MICU1: variants seen among roughly 807,000 people sequenced by gnomAD.
The protein encoded by MICU1 is calcium uptake protein 1, mitochondrial.
A neutral mutation model predicts 56.8 loss-of-function variants in MICU1; 45 were observed. That is an observed-to-expected ratio of 0.79 (90% confidence interval 0.62 to 1.02). The LOEUF (loss-of-function observed/expected upper bound fraction) is 1.02. Ranked by LOEUF, MICU1 falls within the 50% of genes least tolerant of loss-of-function variation. The pLI, the probability that MICU1 is intolerant of heterozygous loss-of-function variation, is 0.00. For missense variants in MICU1, 504 were observed against 587.1 expected (o/e 0.86, Z 1.46); for synonymous variants, 186 against 195.1 (o/e 0.95, Z 0.39).
At chr10:72,590,586 G>A (rs12783297) in intron 1 of MICU1, among the ~76,000 whole-genome samples, 70,393 of 151,798 alleles carry the variant, frequency 0.46, 20,413 homozygotes, top group Non-Finnish European at 0.67. Flanking sequence ...CGAGGTGGGC[G>A]GATCACGAGG....
intron 1 of MICU1, among the ~76,000 whole-genome samples, chr10:72,611,629 G>T (rs1841852370): frequency 6.6e-6 from 1 of 151,846 alleles, no homozygotes; most frequent in South Asian, 2.1e-4. Flanking sequence ...TAAGAATTAA[G>T]ATAAAAGTGA....
At chr10:72,603,660 C>T (rs1185331571) in intron 1 of MICU1, among the ~76,000 whole-genome samples, 1 of 151,904 alleles carries the variant, frequency 6.6e-6, no homozygotes, top group African/African-American at 2.4e-5. Flanking sequence ...CAAAATTAGC[C>T]GGGTGTGGTG....
chr10:72,569,792 T>C (rs1315813329), intron 1 of MICU1, among the ~76,000 whole-genome samples: 1 of 152,170 alleles, frequency 6.6e-6, no homozygotes, highest in Non-Finnish European at 1.5e-5. Flanking sequence ...GGGCTCAGTA[T>C]AGTACCTCAC....
chr10:72,500,231 A>G (rs1342464646), intron 6 of MICU1, among the ~76,000 whole-genome samples: 2 of 139,400 alleles, frequency 1.4e-5, no homozygotes, highest in African/African-American at 5.3e-5. Flanking sequence ...AAGTTGCTTA[A>G]TGATAAACTA....
At position 72,566,734 on chromosome 10, in the gene MICU1, G is replaced by A. The variant is rs1289336047; in HGVS notation, c.60C>T (p.Tyr20=). ...LAELAVGSRW[Y]HGGSQPIQIR... ...TCTGGATGGGCTGTGATCCTCCATGGTACCATCGAGAACCCACAGCCAGTT... is the reference window on the plus strand; with the variant it reads ...TCTGGATGGGCTGTGATCCTCCATGATACCATCGAGAACCCACAGCCAGTT... The change falls in exon 2 of 12, where the codon TAC becomes TAT. Residue 20 remains tyrosine, a synonymous_variant. Coordinates refer to ENST00000361114, the MANE Select transcript of MICU1 (RefSeq NM_001195518.2). The A allele has an allele frequency of 5.6e-6, 9 of 1,612,712 alleles. No homozygotes were observed. Among genetic ancestry groups the A allele is most frequent in the Non-Finnish European group, 6.8e-6 (8 of 1,179,362 alleles).
intron 5 of MICU1, among the ~76,000 whole-genome samples, chr10:72,533,449 G>C (rs1423122539): frequency 6.6e-6 from 1 of 152,074 alleles, no homozygotes; most frequent in Non-Finnish European, 1.5e-5. Context: ...ACAGTATTGG[G>C]GGGCTTATTA....
chr10:72,572,279 A>G (rs778589109), intron 1 of MICU1, among the ~76,000 whole-genome samples: 6 of 152,232 alleles, frequency 3.9e-5, no homozygotes, highest in Non-Finnish European at 7.3e-5. Context: ...CTAAGATCAT[A>G]TAAAGTATTC....
intron 1 of MICU1, among the ~76,000 whole-genome samples, chr10:72,612,698 G>A (rs1251417442): frequency 4.6e-5 from 7 of 152,098 alleles, no homozygotes; most frequent in African/African-American, 1.4e-4. Flanking sequence ...CTATTCAGGC[G>A]GCTGAGGCAG....
intron 1 of MICU1, among the ~76,000 whole-genome samples, chr10:72,583,539 C>T (rs1231272120): frequency 1.3e-5 from 2 of 152,030 alleles, no homozygotes; most frequent in African/African-American, 4.8e-5. Context: ...CCTTGGCCTC[C>T]CAAGGCATGA....
chr10:72,459,342 C>T (rs1865579163), intron 8 of MICU1, among the ~76,000 whole-genome samples: 1 of 152,088 alleles, frequency 6.6e-6, no homozygotes, highest in Admixed American at 6.5e-5. Context: ...AAAACAAAAA[C>T]AAAACCAAAA....
At position 72,498,745 on chromosome 10, in the gene MICU1, T is replaced by C. The variant is rs1028734696; in HGVS notation, c.652+9410A>G. Among the ~76,000 whole-genome samples the C allele has an allele frequency of 2.6e-5, 4 of 152,176 alleles. No individual in the cohort carries two copies. In the East Asian group the frequency reaches 7.7e-4, roughly 29 times the overall value. On this transcript the variant is annotated intron_variant, in intron 6 of 11. Transcript: ENST00000361114. Reference sequence around the variant, plus strand: ...TTTGATCCTCAGATACCACAAGGAATTGATTCCATGGAAAAGTCACAGAAA... The same window carrying C: ...TTTGATCCTCAGATACCACAAGGAACTGATTCCATGGAAAAGTCACAGAAA...
At chr10:72,443,643 C>G (rs1322549832) in intron 8 of MICU1, among the ~76,000 whole-genome samples, 2 of 152,162 alleles carry the variant, frequency 1.3e-5, no homozygotes, top group Non-Finnish European at 2.9e-5. Context: ...TTCCCCATTG[C>G]TTTGATTGCA....
intron 1 of MICU1, among the ~76,000 whole-genome samples, chr10:72,596,136 C>G (rs1389409306): frequency 6.6e-6 from 1 of 152,156 alleles, no homozygotes; most frequent in African/African-American, 2.4e-5. Context: ...CAGGCGCCCA[C>G]CACCACGCCC....
In MICU1 at chr10:72,390,487, CT is replaced by C. The variant is rs556800295; in HGVS notation, c.1181-14616del. Among the ~76,000 whole-genome samples, 21 of 150,166 alleles carry C rather than the reference CT, an allele frequency of 1.4e-4. No individual in the cohort carries two copies. In the South Asian group the frequency reaches 1.5e-3, roughly 11 times the overall value. On this transcript the variant is annotated intron_variant, in intron 10 of 11. Coordinates refer to ENST00000361114, the MANE Select transcript of MICU1 (RefSeq NM_001195518.2). The stretch of plus-strand genomic sequence containing the variant: ...CCAAACTTATTTGAACCATGGAATA[CT>C]TTTTTTTTTCTTTTTAAATCCACAG...
intron 10 of MICU1, among the ~76,000 whole-genome samples, chr10:72,392,646 T>C (rs745841124): frequency 9.2e-5 from 14 of 152,222 alleles, no homozygotes; most frequent in Non-Finnish European, 1.6e-4. Flanking sequence ...TAGTAAATGA[T>C]GGAGACATTC....
At chr10:72,618,477 T>C (rs1182168552) in intron 1 of MICU1, among the ~76,000 whole-genome samples, 2 of 151,300 alleles carry the variant, frequency 1.3e-5, no homozygotes. Flanking sequence ...ATAATATCAA[T>C]GCTTAAATTG....
At chr10:72,487,151 C>A (rs1056607446) in intron 6 of MICU1, among the ~76,000 whole-genome samples, 2 of 151,950 alleles carry the variant, frequency 1.3e-5, no homozygotes, top group Non-Finnish European at 2.9e-5. Context: ...AAGATGAAGC[C>A]CACAGTGTGG....
At chr10:72,565,383 G>A (rs1344014910) in intron 2 of MICU1, among the ~76,000 whole-genome samples, 2 of 150,196 alleles carry the variant, frequency 1.3e-5, no homozygotes, top group Non-Finnish European at 2.9e-5. Context: ...GCAAACTATC[G>A]CAAGGACAAA....
intron 9 of MICU1, among the ~76,000 whole-genome samples, chr10:72,414,480 G>A (rs1416048841): frequency 1.3e-5 from 2 of 152,162 alleles, no homozygotes; most frequent in African/African-American, 4.8e-5. Context: ...TCCAGTAAAT[G>A]CAAGTCTATA....
Sources: gnomAD v4.1 joint callset for allele counts (sites outside exome capture counted in the v4.1 genomes callset) on GRCh38, gnomAD v4.1.1 for gene constraint, MANE v1.5 for transcripts, NCBI Gene and HGNC (gene_info 2026-07-23, HGNC 2026-07-21) for gene names.